Variants in ADAMTS6 observed in about 807,000 individuals in gnomAD.
ADAMTS6 encodes A disintegrin and metalloproteinase with thrombospondin motifs 6.
ADAMTS6 carries 23 observed loss-of-function variants against 144.3 expected under a neutral mutation model. That is an observed-to-expected ratio of 0.16 (90% CI 0.11 to 0.23). The LOEUF is 0.23. ADAMTS6 is among the 10% of genes least tolerant of loss of function. The probability of loss-of-function intolerance (pLI) is 1.00; values close to 1 mark genes in which losing one functional copy is unlikely to be tolerated. For missense variants in ADAMTS6, 999 were observed against 1,379.6 expected (o/e 0.72, Z 4.37); for synonymous variants, 444 against 457.5 (o/e 0.97, Z 0.38).
intron 16 of ADAMTS6, 112 bp from the exon 17 acceptor site, chr5:65,225,159 A>C: frequency 1.6e-6 from 2 of 1,245,850 alleles, no homozygotes; most frequent in Non-Finnish European, 2.2e-6. Context: ...AGAAAAGAAA[A>C]ATAAGGTAAT....
intron 3 of ADAMTS6, among the ~76,000 whole-genome samples, chr5:65,462,557 A>G (rs1307221796): frequency 1.3e-5 from 2 of 152,220 alleles, no homozygotes; most frequent in East Asian, 3.8e-4. Flanking sequence ...ACTGAGATGG[A>G]GCAACGTTAA....
At chr5:65,466,580 A>T (rs1760022461) in intron 3 of ADAMTS6, among the ~76,000 whole-genome samples, 1 of 152,218 alleles carries the variant, frequency 6.6e-6, no homozygotes, top group South Asian at 2.1e-4. Context: ...ATTATATGGA[A>T]GGTACTTATA....
chr5:65,384,201 T>C (rs948013354), intron 7 of ADAMTS6, among the ~76,000 whole-genome samples: 7 of 152,202 alleles, frequency 4.6e-5, no homozygotes, highest in African/African-American at 1.4e-4. Flanking sequence ...CCCTTACTGT[T>C]CTCCCCCAAA....
rs1012793982 is a variant in ADAMTS6 at position 65,390,955 on chromosome 5, T to G, written c.1074-56870A>C. ...GTTGGTTTTGTTTGTTTTTTGAGGG[T>G]TTTTTTTTTTTTTGAAAGGTTCTCA... On this transcript the variant is annotated intron_variant, in intron 7 of 24. Coordinates refer to ENST00000381055, the MANE Select transcript of ADAMTS6 (RefSeq NM_197941.4). Among the ~76,000 whole-genome samples, 131 of 98,346 alleles carry G rather than the reference T, an allele frequency of 1.3e-3. 2 individuals carry two copies. The highest frequency in any genetic ancestry group is 8.5e-3 in the African/African-American group (129 of 15,190). The allele number at this position is 98,346 out of a possible 152,430, so 64.5% of individuals were successfully genotyped here. A position where few individuals can be genotyped will look rare whatever the true frequency, so the allele number is the denominator to read the frequency against.
chr5:65,204,412 A>G (rs1467253115), intron 20 of ADAMTS6, among the ~76,000 whole-genome samples: 1 of 152,230 alleles, frequency 6.6e-6, no homozygotes, highest in Non-Finnish European at 1.5e-5. Context: ...GTCAAGTTAT[A>G]TAAGAACTAA....
At chr5:65,153,444 T>A (rs1752237463) in intron 24 of ADAMTS6, among the ~76,000 whole-genome samples, 1 of 152,220 alleles carries the variant, frequency 6.6e-6, no homozygotes, top group South Asian at 2.1e-4. Flanking sequence ...CAGAAATGAT[T>A]AGAGAACCCA....
chr5:65,328,285 A>G (rs1746368655), intron 9 of ADAMTS6, among the ~76,000 whole-genome samples: 1 of 152,024 alleles, frequency 6.6e-6, no homozygotes, highest in African/African-American at 2.4e-5. Context: ...CTCAGGAATT[A>G]CCTCTGAGGT....
intron 24 of ADAMTS6, among the ~76,000 whole-genome samples, chr5:65,152,624 G>C (rs1304119940): frequency 6.6e-6 from 1 of 152,176 alleles, no homozygotes; most frequent in African/African-American, 2.4e-5. Context: ...CTCAGTGCTA[G>C]AACTGCCACA....
chr5:65,310,198 C>T (rs1477896489), intron 9 of ADAMTS6, among the ~76,000 whole-genome samples: 1 of 151,872 alleles, frequency 6.6e-6, no homozygotes, highest in East Asian at 1.9e-4. Context: ...TTCCTGGAGG[C>T]CTCCCCAGAA....
At chr5:65,330,588 A>C (rs935595803) in intron 8 of ADAMTS6, among the ~76,000 whole-genome samples, 8 of 152,126 alleles carry the variant, frequency 5.3e-5, no homozygotes, top group African/African-American at 1.7e-4. Context: ...AGCTGTACTA[A>C]TTAGAAACAA....
chr5:65,217,372 C>T (rs1022716871), intron 18 of ADAMTS6, among the ~76,000 whole-genome samples: 7 of 150,746 alleles, frequency 4.6e-5, no homozygotes, highest in African/African-American at 1.5e-4. Flanking sequence ...GCTCTCACTT[C>T]CTTTTTTTTT....
chr5:65,239,690 A>G lies in ADAMTS6; in HGVS notation c.1933+2414T>C, dbSNP rs150332945. On this transcript the variant is annotated intron_variant, in intron 15 of 24. Coordinates refer to ENST00000381055, the MANE Select transcript of ADAMTS6 (RefSeq NM_197941.4). ...CCACTTGAGAAGGTAAAACAACCCAATTAAAAATAGGCAAAAGATTTGAAT... is the reference window on the plus strand; with the variant it reads ...CCACTTGAGAAGGTAAAACAACCCAGTTAAAAATAGGCAAAAGATTTGAAT... Among the ~76,000 whole-genome samples the G allele has an allele frequency of 3.3e-3, 509 of 152,306 alleles. 3 individuals carry two copies. Among genetic ancestry groups the G allele is most frequent in the African/African-American group, 0.012 (487 of 41,566 alleles).
chr5:65,172,835 G>T lies in ADAMTS6; in HGVS notation c.3084C>A (p.Gly1028=), dbSNP rs756174305. ...PPPRWVTGDW[G]QCSAQCGLGQ... Reference sequence around the variant, plus strand: ...GCCCACAGTACAAACGCCTTACCTGGCCCCAGTCTCCTGTGACCCAGCGAG... The same window carrying T: ...GCCCACAGTACAAACGCCTTACCTGTCCCCAGTCTCCTGTGACCCAGCGAG... Residue 1028 remains glycine (G), a synonymous_variant, in exon 23 of 25, where the codon GGC becomes GGA. Coordinates refer to ENST00000381055, the MANE Select transcript of ADAMTS6 (RefSeq NM_197941.4). 3.1e-6 allele frequency: 5 copies of T among 1,613,590 alleles called. No homozygotes were observed. The African/African-American group carries it at 4.0e-5, about 13-fold the overall frequency.
intron 20 of ADAMTS6, among the ~76,000 whole-genome samples, chr5:65,203,574 T>C (rs771371949): frequency 1.3e-5 from 2 of 152,172 alleles, no homozygotes; most frequent in Non-Finnish European, 2.9e-5. Flanking sequence ...TAAACATATA[T>C]AAAATCCCTT....
intron 9 of ADAMTS6, among the ~76,000 whole-genome samples, chr5:65,327,224 C>T (rs772803329): frequency 1.3e-5 from 2 of 152,174 alleles, no homozygotes; most frequent in Admixed American, 6.6e-5. Context: ...GAGTCCCTCA[C>T]TAGAAGCAGA....
At chr5:65,382,369 A>G (rs1463224102) in intron 7 of ADAMTS6, among the ~76,000 whole-genome samples, 1 of 152,196 alleles carries the variant, frequency 6.6e-6, no homozygotes, top group African/African-American at 2.4e-5. Context: ...GAAATATCTG[A>G]TTTGAGCCCC....
intron 7 of ADAMTS6, among the ~76,000 whole-genome samples, chr5:65,434,843 AT>A (rs143661494): frequency 0.028 from 4,315 of 152,340 alleles, 208 homozygotes; most frequent in African/African-American, 0.097. Context: ...CTTAGCAGAC[AT>A]AAAATGATTA....
At chr5:65,439,514 A>G (rs529773919) in intron 7 of ADAMTS6, among the ~76,000 whole-genome samples, 9 of 152,274 alleles carry the variant, frequency 5.9e-5, no homozygotes, top group African/African-American at 2.2e-4. Flanking sequence ...AAATGAAGAT[A>G]TGTCTCATAA....
chr5:65,164,250 G>T (rs1289236307), intron 24 of ADAMTS6, among the ~76,000 whole-genome samples: 1 of 151,806 alleles, frequency 6.6e-6, no homozygotes, highest in African/African-American at 2.4e-5. Context: ...TTCCCTTTCC[G>T]AGTCAAAGAA....
Sources: gnomAD v4.1 joint callset for allele counts (sites outside exome capture counted in the v4.1 genomes callset) on GRCh38, gnomAD v4.1.1 for gene constraint, MANE v1.5 for transcripts, NCBI Gene and HGNC (gene_info 2026-07-23, HGNC 2026-07-21) for gene names.